FAM107B: variants seen among roughly 807,000 people sequenced by gnomAD.
The protein encoded by FAM107B is family with sequence similarity 107 member B.
FAM107B carries 21 observed loss-of-function variants against 31.5 expected under a neutral mutation model. That is an observed-to-expected ratio of 0.67 (90% confidence interval 0.47 to 0.96). The LOEUF (loss-of-function observed/expected upper bound fraction) is 0.96, where lower values mean the gene tolerates loss of function less well. Ranked by LOEUF, FAM107B falls within the 40% of genes least tolerant of loss-of-function variation. The probability of loss-of-function intolerance (pLI) is 0.00; values close to 1 mark genes in which losing one functional copy is unlikely to be tolerated. For synonymous variants in FAM107B, 157 were observed against 141.5 expected (o/e 1.11, Z -0.78); for missense variants, 452 against 377.1 (o/e 1.20, Z -1.64).
intron 1 of FAM107B, among the ~76,000 whole-genome samples, chr10:14,673,063 T>C: frequency 6.6e-6 from 1 of 152,220 alleles, no homozygotes; most frequent in East Asian, 1.9e-4. Context: ...AATACATGTA[T>C]ACATGTGAAA....
intron 2 of FAM107B, among the ~76,000 whole-genome samples, chr10:14,540,292 T>C (rs1848050070): frequency 6.6e-6 from 1 of 152,252 alleles, no homozygotes; most frequent in South Asian, 2.1e-4. Context: ...AAGAAGTGCC[T>C]GTGCTTCTGG....
intron 2 of FAM107B, among the ~76,000 whole-genome samples, chr10:14,559,468 C>G (rs200428726): frequency 8.9e-6 from 1 of 112,744 alleles, no homozygotes; most frequent in Admixed American, 9.2e-5. Flanking sequence ...GGTTCTCTTA[C>G]AAAAAAAAAA....
chr10:14,565,232 GA>G (rs1321132973), intron 2 of FAM107B, among the ~76,000 whole-genome samples: 4 of 152,198 alleles, frequency 2.6e-5, no homozygotes, highest in African/African-American at 9.7e-5. Context: ...TCTACTGGGG[GA>G]AGCAGGCATT....
chr10:14,688,866 G>A (rs779298094), intron 1 of FAM107B, among the ~76,000 whole-genome samples: 5 of 152,126 alleles, frequency 3.3e-5, no homozygotes, highest in African/African-American at 9.7e-5. Flanking sequence ...ACCTCTTTCT[G>A]TTGGTCTGAA....
At chr10:14,664,025 T>C (rs1158317773) in intron 2 of FAM107B, among the ~76,000 whole-genome samples, 3 of 152,158 alleles carry the variant, frequency 2.0e-5, no homozygotes, top group Admixed American at 2.0e-4. Flanking sequence ...TTCATCTCTG[T>C]CCTTCAAGGC....
At position 14,548,378 on chromosome 10, in the gene FAM107B, G is replaced by T. The variant is rs1848913628; in HGVS notation, c.470-17863C>A. On this transcript the variant is annotated intron_variant, in intron 2 of 4. Coordinates refer to ENST00000181796, the MANE Select transcript of FAM107B (RefSeq NM_031453.4). ...CGACTGCACCTCCTGCCAGCTCCAG[G>T]GGAGGTACTTGTGCCCTTGTACACA... The T allele has an allele frequency of 4.1e-6, 4 of 974,358 alleles. No homozygotes were observed. In the South Asian group the frequency reaches 1.9e-4, roughly 46 times the overall value. The allele number at this position is 974,358 out of a possible 1,614,324, so 60.4% of individuals were successfully genotyped here.
intron 1 of FAM107B, among the ~76,000 whole-genome samples, chr10:14,680,391 T>G (rs1013557418): frequency 6.6e-6 from 1 of 151,912 alleles, no homozygotes; most frequent in Non-Finnish European, 1.5e-5. Flanking sequence ...CAGACCAACA[T>G]GGCGAAACCT....
At chr10:14,754,090 C>A (rs1832882603) in intron 1 of FAM107B, among the ~76,000 whole-genome samples, 1 of 152,102 alleles carries the variant, frequency 6.6e-6, no homozygotes, top group Non-Finnish European at 1.5e-5. Flanking sequence ...AGGCATGTGC[C>A]ACCATGCCTG....
chr10:14,626,774 A>G (rs1853177544), intron 2 of FAM107B, among the ~76,000 whole-genome samples: 1 of 152,018 alleles, frequency 6.6e-6, no homozygotes, highest in African/African-American at 2.4e-5. Context: ...ATTTTATAGT[A>G]TTAGTTGTCT....
At chr10:14,621,596 TAGTC>T (rs5783413) in intron 2 of FAM107B, among the ~76,000 whole-genome samples, 32,120 of 152,178 alleles carry the variant, frequency 0.21, 3,863 homozygotes, top group East Asian at 0.49. Context: ...ATTTTTACCT[TAGTC>T]AGGCTGCAAT....
At chr10:14,558,671 G>T (rs528512383) in intron 2 of FAM107B, among the ~76,000 whole-genome samples, 2 of 152,116 alleles carry the variant, frequency 1.3e-5, no homozygotes, top group East Asian at 3.9e-4. Context: ...GGTGAACGCA[G>T]GAAGGACTGG....
At chr10:14,588,998 G>A (rs1195092909) in intron 2 of FAM107B, among the ~76,000 whole-genome samples, 2 of 151,890 alleles carry the variant, frequency 1.3e-5, no homozygotes, top group South Asian at 2.1e-4. Flanking sequence ...CCTGGTCAAC[G>A]TGGTGAAACC....
chr10:14,743,969 T>C (rs1467657184), intron 1 of FAM107B, among the ~76,000 whole-genome samples: 1 of 152,252 alleles, frequency 6.6e-6, no homozygotes, highest in South Asian at 2.1e-4. Flanking sequence ...ACAATATTGA[T>C]TCTTCCTATC....
intron 1 of FAM107B, among the ~76,000 whole-genome samples, chr10:14,764,692 T>C (rs1320165921): frequency 6.6e-6 from 1 of 152,160 alleles, no homozygotes; most frequent in Non-Finnish European, 1.5e-5. Flanking sequence ...GAAAAAGAAA[T>C]CTCTAATTTC....
intron 2 of FAM107B, among the ~76,000 whole-genome samples, chr10:14,622,763 C>T (rs1853047222): frequency 1.3e-5 from 2 of 152,184 alleles, no homozygotes; most frequent in African/African-American, 2.4e-5. Flanking sequence ...ATGCCCTAAA[C>T]ACTTAATTTA....
intron 2 of FAM107B, among the ~76,000 whole-genome samples, chr10:14,622,893 G>A (rs1201809373): frequency 6.6e-6 from 1 of 152,088 alleles, no homozygotes. Flanking sequence ...TTTCTTTCCT[G>A]TAGAAATCAC....
At chr10:14,741,145 G>C (rs1856427133) in intron 1 of FAM107B, among the ~76,000 whole-genome samples, 1 of 152,128 alleles carries the variant, frequency 6.6e-6, no homozygotes, top group Non-Finnish European at 1.5e-5. Context: ...CCAGAATCAG[G>C]GTACCAGGTG....
chr10:14,596,262 C>T (rs897742999), intron 2 of FAM107B, among the ~76,000 whole-genome samples: 5 of 152,176 alleles, frequency 3.3e-5, no homozygotes, highest in African/African-American at 1.2e-4. Context: ...CAGACTCCAG[C>T]CCCCTGAACT....
intron 1 of FAM107B, among the ~76,000 whole-genome samples, chr10:14,693,554 TA>T (rs113177504): frequency 0.17 from 25,167 of 151,960 alleles, 2,325 homozygotes; most frequent in Middle Eastern, 0.26. Flanking sequence ...TGAAGCAAAT[TA>T]ACACATCCAT....
Sources: gnomAD v4.1 joint callset for allele counts (sites outside exome capture counted in the v4.1 genomes callset) on GRCh38, gnomAD v4.1.1 for gene constraint, MANE v1.5 for transcripts, NCBI Gene and HGNC (gene_info 2026-07-23, HGNC 2026-07-21) for gene names.